CHN2: variants seen among roughly 807,000 people sequenced by gnomAD.
The protein encoded by CHN2 is beta-chimaerin.
Under a neutral mutation model 56.3 loss-of-function variants are expected in CHN2, and 35 were observed. That is an observed-to-expected ratio of 0.62 (90% confidence interval 0.47 to 0.82). CHN2 has a LOEUF of 0.82. CHN2 is among the 40% of genes least tolerant of loss of function. The pLI, the probability that CHN2 is intolerant of heterozygous loss-of-function variation, is 0.00. For missense variants in CHN2, 491 were observed against 580.5 expected (o/e 0.85, Z 1.58); for synonymous variants, 210 against 212.8 (o/e 0.99, Z 0.12).
At chr7:29,168,580 A>C (rs1796202933) in intron 2 of CHN2, among the ~76,000 whole-genome samples, 1 of 152,024 alleles carries the variant, frequency 6.6e-6, no homozygotes, top group Non-Finnish European at 1.5e-5. Context: ...AAAGGTAAGA[A>C]CTCTTTGCAA....
At chr7:29,274,133 G>A (rs764242237) in intron 1 of CHN2, among the ~76,000 whole-genome samples, 2 of 152,096 alleles carry the variant, frequency 1.3e-5, no homozygotes, top group African/African-American at 2.4e-5. Context: ...TAGTGCTTAC[G>A]AACATTCGGG....
intron 1 of CHN2, among the ~76,000 whole-genome samples, chr7:29,319,249 A>C (rs1795172110): frequency 6.6e-6 from 1 of 152,218 alleles, no homozygotes; most frequent in African/African-American, 2.4e-5. Flanking sequence ...TCACAAAAAG[A>C]AAAAGATTCA....
chr7:29,273,865 G>A (rs979862278), intron 1 of CHN2, among the ~76,000 whole-genome samples: 3 of 152,122 alleles, frequency 2.0e-5, no homozygotes, highest in African/African-American at 7.2e-5. Context: ...AAACTCTACT[G>A]TGTGTTTGAG....
chr7:29,152,933 GC>G (rs1554348872), intron 2 of CHN2, among the ~76,000 whole-genome samples: 1 of 152,224 alleles, frequency 6.6e-6, no homozygotes, highest in Non-Finnish European at 1.5e-5. Context: ...TGCTTCCAGA[GC>G]CTGCATGCCA....
intron 3 of CHN2, among the ~76,000 whole-genome samples, chr7:29,393,267 C>G (rs1226384844): frequency 6.6e-6 from 1 of 152,168 alleles, no homozygotes; most frequent in African/African-American, 2.4e-5. Flanking sequence ...TCCAGGTAGA[C>G]TTCTTGTTTT....
At chr7:29,335,199 C>A (rs1478547152) in intron 1 of CHN2, among the ~76,000 whole-genome samples, 1 of 152,194 alleles carries the variant, frequency 6.6e-6, no homozygotes, top group Non-Finnish European at 1.5e-5. Flanking sequence ...GTCACTCATG[C>A]ATTCTCTGTC....
chr7:29,348,466 T>G (rs574854779), intron 1 of CHN2, among the ~76,000 whole-genome samples: 19 of 152,200 alleles, frequency 1.2e-4, no homozygotes, highest in Non-Finnish European at 2.6e-4. Flanking sequence ...TTTTGATCAT[T>G]TTCTAAGCAT....
chr7:29,509,241 T>C, intron 11 of CHN2, 60 bp from the exon 12 acceptor site: 3 of 1,299,382 alleles, frequency 2.3e-6, no homozygotes, highest in Non-Finnish European at 1.1e-6. Context: ...TTCTTGTTAC[T>C]TCTCTGAAAA....
intron 1 of CHN2, among the ~76,000 whole-genome samples, chr7:29,339,836 A>G (rs1468679529): frequency 1.3e-5 from 2 of 151,896 alleles, no homozygotes; most frequent in South Asian, 2.1e-4. Context: ...CTGGGTGACA[A>G]GAATGAAACT....
At chr7:29,191,726 A>C (rs1351535882), upstream of CHN2, 2 of 152,258 alleles carry the variant, frequency 1.3e-5, no homozygotes, top group Admixed American at 6.5e-5. Flanking sequence ...TTTCTGTAGC[A>C]CCAATATTCT....
chr7:29,304,822 A>G (rs551490892), intron 1 of CHN2, among the ~76,000 whole-genome samples: 1 of 152,320 alleles, frequency 6.6e-6, no homozygotes. Flanking sequence ...GACCTCTTGA[A>G]TGGTTTAAAT....
At chr7:29,323,350 C>A (rs1176238276) in intron 1 of CHN2, among the ~76,000 whole-genome samples, 2 of 152,054 alleles carry the variant, frequency 1.3e-5, no homozygotes, top group East Asian at 1.9e-4. Context: ...TTTGAATCCT[C>A]TCCTCCAGAC....
intron 1 of CHN2, among the ~76,000 whole-genome samples, chr7:29,221,821 A>G (rs999297004): frequency 1.3e-5 from 2 of 152,192 alleles, no homozygotes; most frequent in African/African-American, 4.8e-5. Flanking sequence ...ATAGTATTCC[A>G]TGGTGTATAC....
intron 2 of CHN2, chr7:29,185,406 A>G (rs924473435): frequency 6.6e-6 from 1 of 152,216 alleles, no homozygotes; most frequent in Non-Finnish European, 1.5e-5. Context: ...ATTTTCTCAT[A>G]TCATGATGTC....
At chr7:29,341,577 G>A (rs998133075) in intron 1 of CHN2, among the ~76,000 whole-genome samples, 1 of 151,830 alleles carries the variant, frequency 6.6e-6, no homozygotes, top group East Asian at 1.9e-4. Flanking sequence ...GAACAGGGAG[G>A]GACAGAAAGA....
chr7:29,221,451 CT>C (rs1208893963), intron 1 of CHN2, among the ~76,000 whole-genome samples: 1 of 151,396 alleles, frequency 6.6e-6, no homozygotes, highest in Non-Finnish European at 1.5e-5. Flanking sequence ...AGTAGTAAAT[CT>C]TTTTTTTTCC....
intron 2 of CHN2, 80 bp downstream of exon 2, chr7:29,354,743 G>T: frequency 1.6e-6 from 2 of 1,266,010 alleles, no homozygotes; most frequent in Non-Finnish European, 1.1e-6. Context: ...GCGATGTAGT[G>T]CACACAAGCG....
chr7:29,391,769 C>A, intron 3 of CHN2, among the ~76,000 whole-genome samples: 1 of 152,176 alleles, frequency 6.6e-6, no homozygotes, highest in East Asian at 1.9e-4. Flanking sequence ...TCTGCACCTG[C>A]AAGGTCATTA....
chr7:29,402,761 A>G (rs1238626972), intron 6 of CHN2, among the ~76,000 whole-genome samples: 1 of 152,192 alleles, frequency 6.6e-6, no homozygotes, highest in African/African-American at 2.4e-5. Flanking sequence ...ATATTTCTAG[A>G]TTCTTGTCCT....
Sources: gnomAD v4.1 joint callset for allele counts (sites outside exome capture counted in the v4.1 genomes callset) on GRCh38, gnomAD v4.1.1 for gene constraint, MANE v1.5 for transcripts, NCBI Gene and HGNC (gene_info 2026-07-23, HGNC 2026-07-21) for gene names.